The following RREB1 variants were observed in gnomAD, a reference collection of about 807,000 sequenced individuals.
RREB1 encodes the protein ras responsive element binding protein 1, also known as ras-responsive element-binding protein 1.
A neutral mutation model predicts 117.8 loss-of-function variants in RREB1; 27 were observed. The observed-to-expected ratio is 0.23, with a 90% CI of 0.17 to 0.32. RREB1 has a LOEUF of 0.32. Ranked by LOEUF, RREB1 falls within the 10% of genes least tolerant of loss-of-function variation. RREB1 has a pLI of 1.00. For synonymous variants in RREB1, 1,298 were observed against 1,026.7 expected, an observed-to-expected ratio of 1.26 and a Z score of -5.05; for missense variants, 2,577 against 2,378.2, an observed-to-expected ratio of 1.08 and a Z score of -1.74.
intron 8 of RREB1, among the ~76,000 whole-genome samples, chr6:7,220,292 C>A (rs1281034249): frequency 6.6e-6 from 1 of 152,204 alleles, no homozygotes; most frequent in Non-Finnish European, 1.5e-5. Context: ...ACACTTATTT[C>A]TGTGAGCAGT....
intron 1 of RREB1, among the ~76,000 whole-genome samples, chr6:7,162,996 C>CA: frequency 6.6e-6 from 1 of 152,086 alleles, no homozygotes; most frequent in South Asian, 2.1e-4. Flanking sequence ...ACTACAGGTA[C>CA]CCACCACCAC....
chr6:7,217,004 G>A (rs1434405913), intron 8 of RREB1: 2 of 152,546 alleles, frequency 1.3e-5, no homozygotes, highest in East Asian at 1.9e-4. Context: ...CAGTCAGAGC[G>A]GGGCATTGGG....
intron 8 of RREB1, among the ~76,000 whole-genome samples, chr6:7,223,202 A>G (rs1022830951): frequency 2.0e-5 from 3 of 146,912 alleles, no homozygotes; most frequent in Non-Finnish European, 4.5e-5. Flanking sequence ...GGCTGCAATG[A>G]GCTATGATCA....
chr6:7,241,292 T>C (rs1768689417), intron 11 of RREB1, among the ~76,000 whole-genome samples: 1 of 152,168 alleles, frequency 6.6e-6, no homozygotes, highest in Admixed American at 6.5e-5. Flanking sequence ...AATTTACTCA[T>C]GTCCTCTATC....
At chr6:7,180,568 C>T (rs1242729284) in intron 2 of RREB1, among the ~76,000 whole-genome samples, 1 of 152,260 alleles carries the variant, frequency 6.6e-6, no homozygotes. Flanking sequence ...TACCTACTGA[C>T]TGGACCTGTA....
At chr6:7,220,665 CT>C (rs1767195691) in intron 8 of RREB1, among the ~76,000 whole-genome samples, 1 of 152,234 alleles carries the variant, frequency 6.6e-6, no homozygotes, top group African/African-American at 2.4e-5. Flanking sequence ...ATTTGTAAAC[CT>C]TTCCTCTGGC....
In RREB1 at chr6:7,229,481, G is replaced by C; in HGVS notation, c.1382G>C (p.Gly461Ala). The change falls in exon 10 of 13, where the codon GGC (glycine) becomes GCC (alanine). Residue 461 changes from glycine (G) to alanine (A), a missense_variant. Gly to Ala is a moderately conservative substitution (Grantham distance 60). Coordinates refer to ENST00000379938, the MANE Select transcript of RREB1 (RefSeq NM_001003699.4). This position sits in a 1 kb window ranked among gnomAD's most constrained non-coding sequence, Gnocchi z 4.5. ...AGCATTGTGGTCAAGCCCATCTCTG[G>C]CGAGTCGGCCATCGAGCTGGCAGAC... ...DSSIVVKPISGESAIELADIQ... is the reference protein window; with the variant it reads ...DSSIVVKPISAESAIELADIQ... 1 of 1,614,158 alleles carries C rather than the reference G, an allele frequency of 6.2e-7. No individual in the cohort carries two copies. The highest frequency in any genetic ancestry group is 8.5e-7 in the Non-Finnish European group (1 of 1,180,024).
intron 4 of RREB1, among the ~76,000 whole-genome samples, chr6:7,184,302 A>G (rs1392658315): frequency 6.6e-6 from 1 of 151,252 alleles, no homozygotes; most frequent in East Asian, 1.9e-4. Context: ...ATGTTTTAAA[A>G]TAGAGACAGG....
rs577070862 is a variant in RREB1, at chr6:7,142,781, CT to C, written c.-284-33873del. ...GTTCAGTGACTTTACGTGGCACCCCCTCTTTCCACTTTGAGACTTACCTCAC... is the reference window on the plus strand; with the variant it reads ...GTTCAGTGACTTTACGTGGCACCCCCCTTTCCACTTTGAGACTTACCTCAC... On this transcript the variant is annotated intron_variant, in intron 1 of 12. Transcript: ENST00000379938. 4.1e-4 allele frequency among the ~76,000 whole-genome samples: 62 copies of C among 152,368 alleles called. No homozygotes were observed. In the South Asian group the frequency reaches 0.011, roughly 27 times the overall value.
At chr6:7,110,072 G>T (rs1761058086) in intron 1 of RREB1, among the ~76,000 whole-genome samples, 1 of 152,156 alleles carries the variant, frequency 6.6e-6, no homozygotes, top group Admixed American at 6.5e-5. Context: ...TTCTGCAAAG[G>T]CAGAGTTGCT....
intron 1 of RREB1, among the ~76,000 whole-genome samples, chr6:7,167,072 T>A (rs1763971358): frequency 6.6e-6 from 1 of 152,172 alleles, no homozygotes; most frequent in Non-Finnish European, 1.5e-5. Context: ...TGTATTCAGG[T>A]GCTGCAGTTA....
intron 2 of RREB1, among the ~76,000 whole-genome samples, chr6:7,177,707 C>CTT (rs1764575118): frequency 6.6e-6 from 1 of 151,680 alleles, no homozygotes; most frequent in Admixed American, 6.6e-5. Context: ...CTTCTTTTTT[C>CTT]TTTTCTTTTC....
chr6:7,194,865 G>A (rs1402958214), intron 6 of RREB1, among the ~76,000 whole-genome samples: 1 of 152,182 alleles, frequency 6.6e-6, no homozygotes, highest in Non-Finnish European at 1.5e-5. Context: ...GACAATCTAA[G>A]GAAGTGTTCC....
intron 8 of RREB1, 41 bp downstream of exon 8, chr6:7,211,750 C>G: frequency 6.2e-7 from 1 of 1,607,394 alleles, no homozygotes. Flanking sequence ...ATTCCTGTTT[C>G]TCCTGGCATG....
At chr6:7,180,936 G>T (rs897584416) in intron 2 of RREB1, among the ~76,000 whole-genome samples, 188 bp from the exon 3 acceptor site, 2 of 152,198 alleles carry the variant, frequency 1.3e-5, no homozygotes, top group African/African-American at 2.4e-5. Context: ...TACTGTAGGG[G>T]TTAAGATAAG....
At position 7,230,049 on chromosome 6, in the gene RREB1, G is replaced by A; in HGVS notation, c.1950G>A (p.Gln650=). Residue 650 remains glutamine, a synonymous_variant, in exon 10 of 13, where the codon CAG becomes CAA. Transcript: ENST00000379938. ...TCTACCCCTGCCGCTTCTGCAACCA[G>A]GTGTTTGCCTTCTCGGGGGTCTTGC... is the stretch of plus-strand genomic sequence containing the variant. The part of the protein sequence containing the change: ...KVLYPCRFCN[Q]VFAFSGVLRA... The A allele has an allele frequency of 5.0e-6, 8 of 1,609,660 alleles. No homozygotes were observed. Among genetic ancestry groups the A allele is most frequent in the Non-Finnish European group, 5.9e-6 (7 of 1,176,920 alleles).
Position 7,231,231 on chromosome 6 carries a change from A to G in RREB1, c.3132A>G (p.Pro1044=). 1 of 1,612,554 alleles carries G rather than the reference A, an allele frequency of 6.2e-7. No homozygotes were observed. The change falls in exon 10 of 13, where the codon CCA becomes CCG. Residue 1044 remains proline (P), a synonymous_variant. Transcript: ENST00000379938. Reference sequence around the variant, plus strand: ...TGAGTGGCACAGCCTTGCTGCGTCCACTGCGGCCCAAGCCCCCGCTGCTTT... The same window carrying G: ...TGAGTGGCACAGCCTTGCTGCGTCCGCTGCGGCCCAAGCCCCCGCTGCTTT... ...ALLSGTALLR[P]LRPKPPLLLP...
At chr6:7,131,086 C>T (rs931267057) in intron 1 of RREB1, among the ~76,000 whole-genome samples, 11 of 151,762 alleles carry the variant, frequency 7.2e-5, no homozygotes, top group African/African-American at 2.4e-4. Context: ...CTACAGGCGC[C>T]CGCCACTGCG....
chr6:7,238,277 G>A (rs1561803760), intron 10 of RREB1, among the ~76,000 whole-genome samples: 1 of 151,742 alleles, frequency 6.6e-6, no homozygotes, highest in Non-Finnish European at 1.5e-5. Flanking sequence ...TCTGTCTGTC[G>A]CCCAGGCTAG....
Sources: gnomAD v4.1 joint callset for allele counts (sites outside exome capture counted in the v4.1 genomes callset) on GRCh38, gnomAD v4.1.1 for gene constraint, Gnocchi (gnomAD v3.1) non-coding constraint, MANE v1.5 for transcripts, NCBI Gene and HGNC (gene_info 2026-07-23, HGNC 2026-07-21) for gene names.